The following PHACTR2 variants were observed in gnomAD, a reference collection of about 807,000 sequenced individuals.
PHACTR2 encodes phosphatase and actin regulator 2.
A neutral mutation model predicts 76.0 loss-of-function variants in PHACTR2; 30 were observed. That is an observed-to-expected ratio of 0.39 (90% CI 0.30 to 0.54). The LOEUF (loss-of-function observed/expected upper bound fraction) is 0.54. Ranked by LOEUF, PHACTR2 falls within the 20% of genes least tolerant of loss-of-function variation. The pLI is 0.61. For missense variants in PHACTR2, 696 were observed against 781.1 expected (o/e 0.89, Z 1.30); for synonymous variants, 292 against 292.5 (o/e 1.00, Z 0.02).
chr6:143,687,103 A>T (rs1777543544), intron 1 of PHACTR2, among the ~76,000 whole-genome samples: 1 of 152,170 alleles, frequency 6.6e-6, no homozygotes, highest in Non-Finnish European at 1.5e-5. Flanking sequence ...TCTTACTTTG[A>T]GAGAAAGAAT....
chr6:143,704,967 C>T (rs1032554402), intron 1 of PHACTR2, among the ~76,000 whole-genome samples: 1 of 147,932 alleles, frequency 6.8e-6, no homozygotes, highest in African/African-American at 2.5e-5. Flanking sequence ...AGCGGGACTA[C>T]ACACACGCTC....
chr6:143,794,997 G>T lies in PHACTR2; in HGVS notation c.1845+6087G>T, dbSNP rs1295912047. 1.3e-5 allele frequency among the ~76,000 whole-genome samples: 2 copies of T among 152,134 alleles called. No individual in the cohort carries two copies. The highest frequency in any genetic ancestry group is 2.9e-5 in the Non-Finnish European group (2 of 68,026). ...TCTGTGAAGGAGGAAGGCCCTTGCT[G>T]GTTGTGGTGGGGAATCTCCGGAATC... On this transcript the variant is annotated intron_variant, in intron 11 of 12. Transcript: ENST00000440869. The surrounding 1 kb of genome is among the most constrained non-coding windows in gnomAD (Gnocchi z 4.1).
At chr6:143,769,724 A>C (rs1323717051) in intron 6 of PHACTR2, among the ~76,000 whole-genome samples, 1 of 152,154 alleles carries the variant, frequency 6.6e-6, no homozygotes, top group East Asian at 1.9e-4. Flanking sequence ...TGACACCAAC[A>C]AATAAAGGAC....
rs950447405 is a variant in PHACTR2, at chr6:143,742,065, A to T, written c.215-6920A>T. On this transcript the variant is annotated intron_variant, in intron 2 of 12. Transcript: ENST00000440869. This position sits in a 1 kb window ranked among gnomAD's most constrained non-coding sequence, Gnocchi z 4.5. The stretch of plus-strand genomic sequence containing the variant: ...GGTTGCAGTGAGCTGGGATCGCGCC[A>T]CTGCACTGCAGCCTGGGTGACAAGA... Among the ~76,000 whole-genome samples, 1 of 152,052 alleles carries T rather than the reference A, an allele frequency of 6.6e-6. No individual in the cohort carries two copies. Among genetic ancestry groups the T allele is most frequent in the East Asian group, 1.9e-4 (1 of 5,190 alleles).
chr6:143,638,242 A>T (rs149716931), intron 1 of PHACTR2, among the ~76,000 whole-genome samples: 237 of 152,292 alleles, frequency 1.6e-3, no homozygotes, highest in African/African-American at 4.9e-3. Flanking sequence ...CTATGGCTTA[A>T]AAAGAAGCAG....
chr6:143,688,474 G>C lies in PHACTR2; in HGVS notation c.46+10265G>C, dbSNP rs1777570804. On this transcript the variant is annotated intron_variant, in intron 1 of 12. Transcript: ENST00000440869. This position sits in a 1 kb window ranked among gnomAD's most constrained non-coding sequence, Gnocchi z 5.2. ...GTGCAACTCCCTATTTGACAGGTCT[G>C]CTTGAAAACTTGTGGGCATCCCAGA... is the stretch of plus-strand genomic sequence containing the variant. Among the ~76,000 whole-genome samples the C allele has an allele frequency of 6.6e-6, 1 of 152,142 alleles. No individual in the cohort carries two copies. Among genetic ancestry groups the C allele is most frequent in the South Asian group, 2.1e-4 (1 of 4,828 alleles).
At position 143,794,158 on chromosome 6, in the gene PHACTR2, TA is replaced by T. The variant is rs1775777192; in HGVS notation, c.1845+5252del. ...GAAAAAAATTGTTCCCTCTAGTTGT[TA>T]AAAGATAAGTGTGATGAAATAGTAC... On this transcript the variant is annotated intron_variant, in intron 11 of 12. Transcript: ENST00000440869. This position sits in a 1 kb window ranked among gnomAD's most constrained non-coding sequence, Gnocchi z 4.1. 6.6e-6 allele frequency among the ~76,000 whole-genome samples: 1 copy of T among 151,810 alleles called. No homozygotes were observed. Among genetic ancestry groups the T allele is most frequent in the Admixed American group, 6.6e-5 (1 of 15,244 alleles).
chr6:143,768,078 C>T (rs185614966), intron 6 of PHACTR2, among the ~76,000 whole-genome samples: 19 of 152,244 alleles, frequency 1.2e-4, no homozygotes, highest in South Asian at 2.1e-4. Flanking sequence ...CCTTGTGATC[C>T]GCCTGCCTCA....
rs547166047 is a variant in PHACTR2 at position 143,782,216 on chromosome 6, A to T, written c.1646-1003A>T. Among the ~76,000 whole-genome samples, 1 of 152,346 alleles carries T rather than the reference A, an allele frequency of 6.6e-6. No homozygotes were observed. Among genetic ancestry groups the T allele is most frequent in the South Asian group, 2.1e-4 (1 of 4,832 alleles). On this transcript the variant is annotated intron_variant, in intron 9 of 12. Coordinates refer to ENST00000440869, the MANE Select transcript of PHACTR2 (RefSeq NM_001100164.2). The surrounding 1 kb of genome is among the most constrained non-coding windows in gnomAD (Gnocchi z 4.6). ...ACTCTAGCCTGGGTGACAGAGCGAGAATCCGTTTCAAAAAATAAAATAAAA... is the reference window on the plus strand; with the variant it reads ...ACTCTAGCCTGGGTGACAGAGCGAGTATCCGTTTCAAAAAATAAAATAAAA...
chr6:143,702,799 T>TTTTTTTTTAA (rs57620507), intron 1 of PHACTR2, among the ~76,000 whole-genome samples: 2 of 124,288 alleles, frequency 1.6e-5, no homozygotes, highest in Non-Finnish European at 3.5e-5. Flanking sequence ...TTTTTTTTTT[T>TTTTTTTTTAA]ACAGAAAATA....
chr6:143,705,505 A>C (rs990698936), intron 1 of PHACTR2, among the ~76,000 whole-genome samples: 2 of 151,824 alleles, frequency 1.3e-5, no homozygotes, highest in African/African-American at 2.4e-5. Context: ...CATGTTAGCC[A>C]AGATGGTCTC....
chr6:143,815,462 G>A (rs1376861400), intron 12 of PHACTR2, among the ~76,000 whole-genome samples: 1 of 151,966 alleles, frequency 6.6e-6, no homozygotes, highest in Non-Finnish European at 1.5e-5. Flanking sequence ...AATAAGTATA[G>A]GTGGCGTGAC....
At position 143,777,159 on chromosome 6, in the gene PHACTR2, C is replaced by T. The variant is rs974758143; in HGVS notation, c.1590-169C>T. Reference sequence around the variant, plus strand: ...AATGGGGGTCGGTGAGCAGCCTCAGCCATGATCTGTAGTCTCCAAACTAAT... The same window carrying T: ...AATGGGGGTCGGTGAGCAGCCTCAGTCATGATCTGTAGTCTCCAAACTAAT... On this transcript the variant is annotated intron_variant, in intron 8 of 12. Transcript: ENST00000440869. The surrounding 1 kb of genome is among the most constrained non-coding windows in gnomAD (Gnocchi z 4.6). Among the ~76,000 whole-genome samples the T allele has an allele frequency of 7.2e-5, 11 of 152,146 alleles. No homozygotes were observed. The highest frequency in any genetic ancestry group is 1.3e-4 in the Non-Finnish European group (9 of 68,022).
intron 1 of PHACTR2, among the ~76,000 whole-genome samples, chr6:143,545,806 A>C (rs559940260): frequency 2.6e-5 from 4 of 152,254 alleles, no homozygotes; most frequent in Non-Finnish European, 5.9e-5. Flanking sequence ...AGAGATCATC[A>C]GAATAAATAT....
At chr6:143,544,009 C>G (rs950014669) in intron 1 of PHACTR2, among the ~76,000 whole-genome samples, 6 of 152,132 alleles carry the variant, frequency 3.9e-5, no homozygotes, top group Admixed American at 1.3e-4. Context: ...AGAAGTAAAG[C>G]CTCTCTCTGA....
rs1778964649 is a variant in PHACTR2, at chr6:143,742,356, T to C, written c.215-6629T>C. On this transcript the variant is annotated intron_variant, in intron 2 of 12. Coordinates refer to ENST00000440869, the MANE Select transcript of PHACTR2 (RefSeq NM_001100164.2). The surrounding 1 kb of genome is among the most constrained non-coding windows in gnomAD (Gnocchi z 4.5). ...TGGCTTTTGTTGTTGTTGTGGTTGT[T>C]AACTTCAGTTCTCCTCTTGCGGAGG... 6.6e-6 allele frequency among the ~76,000 whole-genome samples: 1 copy of C among 152,196 alleles called. No individual in the cohort carries two copies. Among genetic ancestry groups the C allele is most frequent in the Non-Finnish European group, 1.5e-5 (1 of 68,042 alleles).
rs545273139 is a variant in PHACTR2 at position 143,742,451 on chromosome 6, T to A, written c.215-6534T>A. On this transcript the variant is annotated intron_variant, in intron 2 of 12. Transcript: ENST00000440869. This position sits in a 1 kb window ranked among gnomAD's most constrained non-coding sequence, Gnocchi z 4.5. ...ACAGCTCCAGAAGAAAGAGAAAGCCTTGCTTTCCTATTGTTCCAGCAAATT... is the reference window on the plus strand; with the variant it reads ...ACAGCTCCAGAAGAAAGAGAAAGCCATGCTTTCCTATTGTTCCAGCAAATT... 2.2e-4 allele frequency among the ~76,000 whole-genome samples: 33 copies of A among 152,332 alleles called. No individual in the cohort carries two copies. The highest frequency in any genetic ancestry group is 7.2e-4 in the African/African-American group (30 of 41,580).
intron 1 of PHACTR2, among the ~76,000 whole-genome samples, chr6:143,577,828 G>A (rs1377546185): frequency 6.6e-6 from 1 of 151,904 alleles, no homozygotes; most frequent in East Asian, 1.9e-4. Context: ...CACCTGTTTA[G>A]GTAGCTTACA....
chr6:143,723,466 T>C (rs1408389181), intron 2 of PHACTR2, among the ~76,000 whole-genome samples: 1 of 152,222 alleles, frequency 6.6e-6, no homozygotes, highest in Admixed American at 6.5e-5. Context: ...TGCAAGGCTG[T>C]CATCTCTAGC....
Sources: allele counts gnomAD v4.1 joint callset (sites outside exome capture counted in the v4.1 genomes callset), GRCh38; gene constraint gnomAD v4.1.1; non-coding constraint Gnocchi (gnomAD v3.1); transcripts MANE v1.5; gene names NCBI Gene and HGNC (gene_info 2026-07-23, HGNC 2026-07-21).